Variants in NR2C2 observed in about 807,000 individuals in gnomAD.
NR2C2 encodes the protein Nuclear hormone receptor TR4.
NR2C2 carries 6 observed loss-of-function variants against 62.9 expected under a neutral mutation model. The observed-to-expected ratio is 0.10, with a 90% CI of 0.05 to 0.19. NR2C2 has a LOEUF of 0.19. NR2C2 is among the 10% of genes least tolerant of loss of function. The pLI is 1.00. For missense variants in NR2C2, 479 were observed against 762.7 expected (o/e 0.63, Z 4.38); for synonymous variants, 272 against 273.8 (o/e 0.99, Z 0.07).
chr3:15,019,641 C>T (rs947551156), intron 4 of NR2C2, among the ~76,000 whole-genome samples: 1 of 151,786 alleles, frequency 6.6e-6, no homozygotes, highest in Non-Finnish European at 1.5e-5. Flanking sequence ...CATCATGTTA[C>T]ATGAAATAAG....
intron 2 of NR2C2, among the ~76,000 whole-genome samples, chr3:15,007,016 C>G (rs2124949167): frequency 6.6e-6 from 1 of 152,178 alleles, no homozygotes; most frequent in East Asian, 1.9e-4. Flanking sequence ...CTCAGCTGAT[C>G]AGCCTGCCTC....
At chr3:14,971,591 C>A (rs1195880282) in intron 1 of NR2C2, among the ~76,000 whole-genome samples, 1 of 151,608 alleles carries the variant, frequency 6.6e-6, no homozygotes, top group Non-Finnish European at 1.5e-5. Flanking sequence ...AACCATGTTA[C>A]ATTCTTACCA....
intron 1 of NR2C2, among the ~76,000 whole-genome samples, chr3:14,991,511 G>T (rs185379496): frequency 1.9e-3 from 290 of 152,216 alleles, no homozygotes; most frequent in African/African-American, 6.5e-3. Context: ...CTACTTAAGG[G>T]TTTTACATTG....
chr3:15,016,126 C>G (rs375521653), intron 3 of NR2C2, 26 bp from the exon 4 acceptor site: 1 of 1,563,124 alleles, frequency 6.4e-7, no homozygotes, highest in Non-Finnish European at 8.8e-7. Flanking sequence ...AATTGGCACC[C>G]CTGTTCGTTT....
Position 14,963,910 on chromosome 3 carries a change from G to A in NR2C2, c.-40+16004G>A, listed in dbSNP as rs115211706. On this transcript the variant is annotated intron_variant, in intron 1 of 13. Transcript: ENST00000425241. ...TAACTGAAATGCAACAATGTAACTA[G>A]TTACCTACCCCCCTCCCCACCCAGC... is the stretch of plus-strand genomic sequence containing the variant. Among the ~76,000 whole-genome samples the A allele has an allele frequency of 2.7e-3, 410 of 152,142 alleles. 2 individuals are homozygous for A. Among genetic ancestry groups the A allele is most frequent in the African/African-American group, 9.5e-3 (394 of 41,496 alleles).
At chr3:14,957,818 A>T (rs1212598199) in intron 1 of NR2C2, among the ~76,000 whole-genome samples, 1 of 151,718 alleles carries the variant, frequency 6.6e-6, no homozygotes, top group African/African-American at 2.4e-5. Context: ...TTTTTTTTTA[A>T]GATCCAGATT....
chr3:15,006,958 A>G (rs2041191060), intron 2 of NR2C2, among the ~76,000 whole-genome samples: 1 of 151,670 alleles, frequency 6.6e-6, no homozygotes, highest in Non-Finnish European at 1.5e-5. Flanking sequence ...TATTTTCAGT[A>G]GAGACAGAGT....
intron 1 of NR2C2, among the ~76,000 whole-genome samples, chr3:14,962,039 C>T (rs1395301578): frequency 1.3e-5 from 2 of 152,218 alleles, no homozygotes; most frequent in Non-Finnish European, 2.9e-5. Context: ...ACACCTTTCT[C>T]AGATACCCAC....
intron 7 of NR2C2, chr3:15,025,596 T>C (rs1383687424): frequency 6.6e-6 from 1 of 152,244 alleles, no homozygotes; most frequent in Non-Finnish European, 1.5e-5. Flanking sequence ...CACAGGAAGC[T>C]ACTTTCAGAA....
intron 1 of NR2C2, among the ~76,000 whole-genome samples, chr3:14,968,623 TC>T (rs2125278144): frequency 6.8e-6 from 1 of 147,644 alleles, no homozygotes; most frequent in Non-Finnish European, 1.5e-5. Context: ...GACCCAGCCA[TC>T]CCATTACTGG....
chr3:14,949,553 T>A (rs745569549), intron 1 of NR2C2, among the ~76,000 whole-genome samples: 2 of 152,234 alleles, frequency 1.3e-5, no homozygotes, highest in Non-Finnish European at 2.9e-5. Flanking sequence ...AAATACAGCC[T>A]TCATATGAAT....
chr3:15,005,908 T>G (rs2041160022), intron 2 of NR2C2, among the ~76,000 whole-genome samples: 4 of 152,154 alleles, frequency 2.6e-5, no homozygotes, highest in Admixed American at 2.0e-4. Context: ...ATATTTGGAT[T>G]AATATCCTCC....
At chr3:15,013,520 G>C (rs1340071969) in intron 2 of NR2C2, 69 bp from the exon 3 acceptor site, 1 of 1,428,538 alleles carries the variant, frequency 7.0e-7, no homozygotes, top group African/African-American at 1.4e-5. Flanking sequence ...TCACCACTTT[G>C]AGCACCACCT....
At chr3:14,951,102 T>C (rs892600036) in intron 1 of NR2C2, among the ~76,000 whole-genome samples, 2 of 152,236 alleles carry the variant, frequency 1.3e-5, no homozygotes, top group African/African-American at 4.8e-5. Flanking sequence ...ACTTATGTTA[T>C]TTACTTTAGC....
rs1431904701 is a variant in NR2C2, at chr3:15,003,739, ATCCTTCTGGG to A, written c.-39-133_-39-124del. 11 of 566,466 alleles carry A rather than the reference ATCCTTCTGGG, an allele frequency of 1.9e-5. No individual in the cohort carries two copies. In the East Asian group the frequency reaches 2.9e-4, roughly 15 times the overall value. 35.1% of individuals were successfully genotyped at this position (566,466 alleles called of 1,614,324 possible). Reference sequence around the variant, plus strand: ...ACATCTCATTGATTGCTTTGTCATCATCCTTCTGGGTCCATACCTCAGAACCATACAAGTT... The same window carrying A: ...ACATCTCATTGATTGCTTTGTCATCATCCATACCTCAGAACCATACAAGTT... On this transcript the variant is annotated intron_variant, in intron 1 of 13. Transcript: ENST00000425241.
chr3:14,973,064 T>G (rs2125298944), intron 1 of NR2C2, among the ~76,000 whole-genome samples: 1 of 152,292 alleles, frequency 6.6e-6, no homozygotes, highest in South Asian at 2.1e-4. Context: ...TGCAAGTACT[T>G]TGTTCCATTC....
At chr3:15,039,100 G>T (rs1470321533) in intron 12 of NR2C2, 22 bp from the exon 13 acceptor site, 4 of 1,569,488 alleles carry the variant, frequency 2.5e-6, no homozygotes, top group Non-Finnish European at 3.5e-6. Context: ...GGAACTGGGG[G>T]GGGGTACTTT....
intron 1 of NR2C2, among the ~76,000 whole-genome samples, chr3:14,969,200 T>C (rs34025016): frequency 0.11 from 16,527 of 150,836 alleles, 1,074 homozygotes; most frequent in Middle Eastern, 0.17. Flanking sequence ...AGCAGACATA[T>C]AGATACATAT....
Position 15,030,368 on chromosome 3 carries a change from C to T in NR2C2, c.1026C>T (p.Ser342=), listed in dbSNP as rs2125057894. 3 of 1,613,588 alleles carry T rather than the reference C, an allele frequency of 1.9e-6. No homozygotes were observed. In the East Asian group the frequency reaches 6.7e-5, roughly 36 times the overall value. Residue 342 remains serine (S), a synonymous_variant, in exon 9 of 14, where the codon AGC becomes AGT. Transcript: ENST00000425241. ...ADGIDTSGGG[S]IHVISRDQST... is the part of the protein sequence containing the mutation. ...GGATAGACACCAGTGGAGGAGGGAG[C>T]ATCCACGTCATCAGCAGAGACCAGT... is the stretch of plus-strand genomic sequence containing the variant.
Sources: allele counts gnomAD v4.1 joint callset (sites outside exome capture counted in the v4.1 genomes callset), GRCh38; gene constraint gnomAD v4.1.1; transcripts MANE v1.5; gene names NCBI Gene and HGNC (gene_info 2026-07-23, HGNC 2026-07-21).